RNF169: variants seen among roughly 807,000 people sequenced by gnomAD.
The protein encoded by RNF169 is E3 ubiquitin-protein ligase RNF169.
RNF169 carries 24 observed loss-of-function variants against 53.9 expected under a neutral mutation model. That is an observed-to-expected ratio of 0.45 (90% CI 0.32 to 0.63). The LOEUF (loss-of-function observed/expected upper bound fraction) is 0.63, where lower values mean the gene tolerates loss of function less well. Ranked by LOEUF, RNF169 falls within the 20% of genes least tolerant of loss-of-function variation. RNF169 has a pLI of 0.04. For missense variants in RNF169, 883 were observed against 906.2 expected (o/e 0.97, Z 0.33); for synonymous variants, 396 against 363.5 (o/e 1.09, Z -1.02).
chr11:74,801,140 T>A (rs2035723549), intron 2 of RNF169, among the ~76,000 whole-genome samples: 1 of 152,228 alleles, frequency 6.6e-6, no homozygotes, highest in African/African-American at 2.4e-5. Flanking sequence ...GTATCATAAA[T>A]GTGATTTCTT....
At chr11:74,769,526 A>G (rs533221172) in intron 1 of RNF169, among the ~76,000 whole-genome samples, 2 of 152,204 alleles carry the variant, frequency 1.3e-5, no homozygotes, top group African/African-American at 2.4e-5. Flanking sequence ...CACACACACA[A>G]TGATGCTCAC....
intron 1 of RNF169, among the ~76,000 whole-genome samples, chr11:74,774,359 C>T (rs1267962046): frequency 6.6e-6 from 1 of 150,618 alleles, no homozygotes; most frequent in Admixed American, 6.6e-5. Context: ...AAAAAAAAAC[C>T]CAAAAAAACA....
At chr11:74,812,758 AG>A (rs1467610668) in intron 3 of RNF169, among the ~76,000 whole-genome samples, 1 of 152,210 alleles carries the variant, frequency 6.6e-6, no homozygotes, top group African/African-American at 2.4e-5. Flanking sequence ...TTTTTTATAT[AG>A]AAACTATTGT....
chr11:74,749,502 G>A (rs935410926), intron 1 of RNF169, 120 bp downstream of exon 1: 2 of 862,080 alleles, frequency 2.3e-6, no homozygotes, highest in South Asian at 5.4e-5. Flanking sequence ...GTTCTCGTGG[G>A]ATTAGAACCC....
intron 1 of RNF169, among the ~76,000 whole-genome samples, chr11:74,767,271 C>T (rs1023769604): frequency 5.3e-5 from 8 of 151,994 alleles, no homozygotes; most frequent in Non-Finnish European, 1.0e-4. Flanking sequence ...TAATGTAGTT[C>T]CCCATATTAA....
chr11:74,771,394 T>C (rs1342689001), intron 1 of RNF169, among the ~76,000 whole-genome samples: 1 of 152,214 alleles, frequency 6.6e-6, no homozygotes, highest in South Asian at 2.1e-4. Flanking sequence ...GACTTTGTTT[T>C]ATGCACAAAA....
intron 2 of RNF169, among the ~76,000 whole-genome samples, chr11:74,792,999 T>G (rs1318008554): frequency 6.6e-6 from 1 of 152,160 alleles, no homozygotes; most frequent in Non-Finnish European, 1.5e-5. Flanking sequence ...AGCCATAACA[T>G]TAAAAGGCAC....
intron 2 of RNF169, among the ~76,000 whole-genome samples, chr11:74,799,348 A>G (rs12802330): frequency 3.9e-5 from 6 of 152,150 alleles, no homozygotes; most frequent in Non-Finnish European, 8.8e-5. Flanking sequence ...GAATCCAAGA[A>G]CATTAGATAT....
At chr11:74,832,974 C>T (rs1421354276) in intron 4 of RNF169, among the ~76,000 whole-genome samples, 1 of 152,152 alleles carries the variant, frequency 6.6e-6, no homozygotes, top group Non-Finnish European at 1.5e-5. Context: ...AATTTTCCAC[C>T]TGCTCCAAAA....
chr11:74,752,228 TAAA>T (rs11325931), intron 1 of RNF169, among the ~76,000 whole-genome samples: 58 of 78,752 alleles, frequency 7.4e-4, no homozygotes, highest in African/African-American at 2.4e-3. Flanking sequence ...GAGACTGTCT[TAAA>T]AAAAAAAAAA....
intron 2 of RNF169, among the ~76,000 whole-genome samples, chr11:74,799,840 A>G (rs554583360): frequency 5.3e-5 from 8 of 152,000 alleles, no homozygotes; most frequent in African/African-American, 1.9e-4. Flanking sequence ...AGAAAGGGAA[A>G]ATCGCCAGTA....
At chr11:74,780,569 C>A (rs143187816) in intron 1 of RNF169, among the ~76,000 whole-genome samples, 1 of 152,152 alleles carries the variant, frequency 6.6e-6, no homozygotes, top group Non-Finnish European at 1.5e-5. Flanking sequence ...TATGTATGCA[C>A]GCTTGCCTTA....
At chr11:74,813,273 A>T (rs954264072) in intron 3 of RNF169, among the ~76,000 whole-genome samples, 1 of 152,188 alleles carries the variant, frequency 6.6e-6, no homozygotes, top group East Asian at 1.9e-4. Flanking sequence ...CTCCTGTAGT[A>T]CCCTGCACAT....
chr11:74,836,785 C>G lies in RNF169; in HGVS notation c.*55C>G, dbSNP rs913776550. On this transcript the variant is annotated 3_prime_UTR_variant, in exon 6 of 6. Transcript: ENST00000299563. The stretch of plus-strand genomic sequence containing the variant: ...AGGTCTTAGGCCTTGATCATTTATC[C>G]TGAAGAGCTGAGTGTTCTCACTTTG... 7.5e-7 allele frequency: 1 copy of G among 1,330,734 alleles called. No homozygotes were observed. The highest frequency in any genetic ancestry group is 1.0e-6 in the Non-Finnish European group (1 of 967,818). The allele number at this position is 1,330,734 out of a possible 1,614,324, so 82.4% of individuals were successfully genotyped here.
intron 1 of RNF169, among the ~76,000 whole-genome samples, chr11:74,781,711 T>G (rs2035418950): frequency 6.6e-6 from 1 of 152,260 alleles, no homozygotes; most frequent in African/African-American, 2.4e-5. Context: ...CTTTATCCAT[T>G]GTTGTATGGG....
In RNF169 at chr11:74,762,258, C is replaced by T. The variant is rs369391368; in HGVS notation, c.502+12876C>T. ...TTTGCCTTTGGTTTGAATGTCCTCCCGTAGCTCAGAGTAATTTGATCGTCT... is the reference window on the plus strand; with the variant it reads ...TTTGCCTTTGGTTTGAATGTCCTCCTGTAGCTCAGAGTAATTTGATCGTCT... On this transcript the variant is annotated intron_variant, in intron 1 of 5. Coordinates refer to ENST00000299563, the MANE Select transcript of RNF169 (RefSeq NM_001098638.2). 4.0e-5 allele frequency among the ~76,000 whole-genome samples: 6 copies of T among 150,358 alleles called. No individual in the cohort carries two copies. In the East Asian group the frequency reaches 9.8e-4, roughly 25 times the overall value.
In RNF169 at chr11:74,778,461, G is replaced by A. The variant is rs563788396; in HGVS notation, c.503-11165G>A. 2.6e-5 allele frequency among the ~76,000 whole-genome samples: 4 copies of A among 152,218 alleles called. No homozygotes were observed. The South Asian group carries it at 6.2e-4, about 24-fold the overall frequency. On this transcript the variant is annotated intron_variant, in intron 1 of 5. Transcript: ENST00000299563. ...GTGTTTAATGGTTTTTCTTGTTTGA[G>A]ATTATAAGGTATACTTAATCTGGTG...
intron 1 of RNF169, among the ~76,000 whole-genome samples, chr11:74,785,230 AT>A (rs2035479332): frequency 2.6e-5 from 2 of 76,862 alleles, no homozygotes; most frequent in African/African-American, 1.6e-4. Flanking sequence ...TGTTATATAT[AT>A]TATATATATG....
In RNF169 at chr11:74,797,319, T is replaced by G. The variant is rs151111255; in HGVS notation, c.576+7620T>G. On this transcript the variant is annotated intron_variant, in intron 2 of 5. Coordinates refer to ENST00000299563, the MANE Select transcript of RNF169 (RefSeq NM_001098638.2). ...TACTTTATTAAAATGAACATTGCACTTAAATCCATTTGGCTGTGTAGTGTA... is the reference window on the plus strand; with the variant it reads ...TACTTTATTAAAATGAACATTGCACGTAAATCCATTTGGCTGTGTAGTGTA... 8.8e-3 allele frequency among the ~76,000 whole-genome samples: 1,346 copies of G among 152,334 alleles called. 25 individuals carry two copies. The highest frequency in any genetic ancestry group is 0.031 in the African/African-American group (1,270 of 41,580).
Sources: gnomAD v4.1 joint callset for allele counts (sites outside exome capture counted in the v4.1 genomes callset) on GRCh38, gnomAD v4.1.1 for gene constraint, MANE v1.5 for transcripts, NCBI Gene and HGNC (gene_info 2026-07-23, HGNC 2026-07-21) for gene names.